Variants in CSTPP1 observed in about 807,000 individuals in gnomAD.
CSTPP1 encodes the protein centriolar satellite-associated tubulin polyglutamylase complex regulator 1.
chr11:47,044,383 T>C, the CSTPP1 span, among the ~76,000 whole-genome samples: 2 of 152,136 alleles, frequency 1.3e-5, no homozygotes, highest in Non-Finnish European at 2.9e-5. Flanking sequence ...TATATATACA[T>C]GTGTATTTCT....
chr11:47,016,034 T>C, the CSTPP1 span, among the ~76,000 whole-genome samples: 2 of 152,098 alleles, frequency 1.3e-5, no homozygotes, highest in Non-Finnish European at 2.9e-5. Context: ...GGAGGATTGC[T>C]TGAGCCCCAG....
chr11:46,947,978 A>G, the CSTPP1 span: 2 of 445,606 alleles, frequency 4.5e-6, no homozygotes, highest in East Asian at 1.4e-4. Context: ...CCTGTGGCCA[A>G]CTTACAAAGA....
the CSTPP1 span, among the ~76,000 whole-genome samples, chr11:47,003,617 G>T: frequency 1.0e-3 from 158 of 152,310 alleles, 1 homozygote; most frequent in African/African-American, 3.7e-3. Context: ...GGACATAATT[G>T]TGATTCCCTT....
At chr11:46,945,975 A>G in the CSTPP1 span, among the ~76,000 whole-genome samples, 1 of 152,208 alleles carries the variant, frequency 6.6e-6, no homozygotes, top group Non-Finnish European at 1.5e-5. Context: ...TAGTTCTGGA[A>G]TGGGCCTTTT....
chr11:47,106,719 G>T, the CSTPP1 span, among the ~76,000 whole-genome samples: 1 of 151,944 alleles, frequency 6.6e-6, no homozygotes, highest in Non-Finnish European at 1.5e-5. Context: ...TTTTTACCTA[G>T]GCAAAATGCC....
chr11:47,105,847 C>T, the CSTPP1 span, among the ~76,000 whole-genome samples: 8 of 152,148 alleles, frequency 5.3e-5, no homozygotes, highest in Admixed American at 3.3e-4. Flanking sequence ...TGTGTGTCCT[C>T]CAGTTTCAAG....
At chr11:47,105,828 C>T in the CSTPP1 span, among the ~76,000 whole-genome samples, 4 of 152,196 alleles carry the variant, frequency 2.6e-5, no homozygotes, top group Non-Finnish European at 5.9e-5. Flanking sequence ...TGCTCCTTTT[C>T]GTCAAAGATG....
the CSTPP1 span, among the ~76,000 whole-genome samples, chr11:47,008,937 A>T: frequency 6.6e-6 from 1 of 152,056 alleles, no homozygotes; most frequent in Admixed American, 6.6e-5. Context: ...AGGCTGAGGC[A>T]GGAGAATGCC....
chr11:47,058,775 C>T, the CSTPP1 span, among the ~76,000 whole-genome samples: 1 of 152,138 alleles, frequency 6.6e-6, no homozygotes, highest in East Asian at 1.9e-4. Context: ...AATGAAAAAG[C>T]CAATGCCAGG....
the CSTPP1 span, chr11:47,161,494 G>C: frequency 1.9e-5 from 30 of 1,613,890 alleles, no homozygotes; most frequent in Admixed American, 4.7e-4. Context: ...TGGTCAACTC[G>C]GTCACAGCCA....
chr11:47,109,311 C>T, the CSTPP1 span: 1 of 152,166 alleles, frequency 6.6e-6, no homozygotes, highest in East Asian at 1.9e-4. Flanking sequence ...ACATCTACCC[C>T]TTTGGCTAGG....
At chr11:47,090,085 G>T in the CSTPP1 span, among the ~76,000 whole-genome samples, 3 of 152,208 alleles carry the variant, frequency 2.0e-5, no homozygotes, top group African/African-American at 7.2e-5. Context: ...AGGTTCAAGC[G>T]ATTCTCCTGC....
the CSTPP1 span, among the ~76,000 whole-genome samples, chr11:46,943,640 T>G: frequency 2.0e-5 from 3 of 152,248 alleles, no homozygotes; most frequent in Non-Finnish European, 2.9e-5. Flanking sequence ...AGAATTTTAT[T>G]GACAATCATC....
chr11:47,034,129 T>A, the CSTPP1 span, among the ~76,000 whole-genome samples: 6 of 151,212 alleles, frequency 4.0e-5, no homozygotes, highest in Non-Finnish European at 5.9e-5. Flanking sequence ...AATAAAAAAA[T>A]AAAAATAAAA....
the CSTPP1 span, among the ~76,000 whole-genome samples, chr11:47,013,857 A>T: frequency 1.2e-4 from 18 of 152,334 alleles, no homozygotes; most frequent in East Asian, 2.5e-3. Flanking sequence ...TCCCACCAAC[A>T]GTGTAAAAGT....
chr11:47,047,779 T>C, the CSTPP1 span, among the ~76,000 whole-genome samples: 1 of 152,184 alleles, frequency 6.6e-6, no homozygotes, highest in African/African-American at 2.4e-5. Flanking sequence ...AAGGAATTAA[T>C]ATCCAGAATA....
chr11:47,153,412 A>T, the CSTPP1 span, among the ~76,000 whole-genome samples: 2 of 152,238 alleles, frequency 1.3e-5, no homozygotes, highest in Non-Finnish European at 2.9e-5. Context: ...ATCAGTAACA[A>T]GAAAGAAAAT....
At chr11:47,070,467 C>T in the CSTPP1 span, among the ~76,000 whole-genome samples, 2 of 152,160 alleles carry the variant, frequency 1.3e-5, no homozygotes, top group African/African-American at 4.8e-5. Flanking sequence ...CCACCTCAAA[C>T]GTACTCGACC....
chr11:47,068,971 T>C, the CSTPP1 span, among the ~76,000 whole-genome samples: 1 of 152,000 alleles, frequency 6.6e-6, no homozygotes, highest in Non-Finnish European at 1.5e-5. Flanking sequence ...ATTTGTGGAG[T>C]AGGAGAAATT....
Sources: allele counts gnomAD v4.1 joint callset (sites outside exome capture counted in the v4.1 genomes callset), GRCh38; gene constraint gnomAD v4.1.1; transcripts MANE v1.5; gene names NCBI Gene and HGNC (gene_info 2026-07-23, HGNC 2026-07-21).